MYO1B: variants seen among roughly 807,000 people sequenced by gnomAD.
MYO1B encodes the protein unconventional myosin-Ib.
A neutral mutation model predicts 159.7 loss-of-function variants in MYO1B; 72 were observed. The observed-to-expected ratio is 0.45, with a 90% CI of 0.37 to 0.55. MYO1B has a LOEUF of 0.55. MYO1B is among the 20% of genes least tolerant of loss of function. MYO1B has a pLI of 0.00. For synonymous variants in MYO1B, 468 were observed against 473.8 expected (o/e 0.99, Z 0.16); for missense variants, 1,062 against 1,364.8 (o/e 0.78, Z 3.50).
intron 2 of MYO1B, among the ~76,000 whole-genome samples, chr2:191,290,137 A>AG (rs1688610496): frequency 6.6e-6 from 1 of 152,246 alleles, no homozygotes; most frequent in Non-Finnish European, 1.5e-5. Flanking sequence ...TAAAGCAGTC[A>AG]GGGCCGGCTA....
chr2:191,324,005 G>C (rs916178144), intron 3 of MYO1B, among the ~76,000 whole-genome samples: 1 of 151,844 alleles, frequency 6.6e-6, no homozygotes, highest in Non-Finnish European at 1.5e-5. Context: ...TTGTTATATT[G>C]GGATGGCAAC....
intron 30 of MYO1B, among the ~76,000 whole-genome samples, chr2:191,419,589 C>T (rs2222185): frequency 0.81 from 123,066 of 152,134 alleles, 53,942 homozygotes; most frequent in Non-Finnish European, 0.98. Flanking sequence ...AAAACAGCCT[C>T]GGGCAGGTCC....
chr2:191,253,539 C>T (rs989315259), intron 1 of MYO1B, among the ~76,000 whole-genome samples: 4 of 151,102 alleles, frequency 2.6e-5, no homozygotes, highest in South Asian at 2.1e-4. Context: ...ACTCAGGTTG[C>T]GCTTGTTCTT....
chr2:191,270,311 C>A (rs373671259), intron 1 of MYO1B, among the ~76,000 whole-genome samples: 30 of 152,256 alleles, frequency 2.0e-4, no homozygotes, highest in African/African-American at 7.0e-4. Flanking sequence ...AGTCTTTTTG[C>A]TCATCTATAT....
chr2:191,396,652 C>T (rs1296217743), intron 21 of MYO1B, among the ~76,000 whole-genome samples, 155 bp downstream of exon 21: 2 of 152,196 alleles, frequency 1.3e-5, no homozygotes, highest in Non-Finnish European at 2.9e-5. Flanking sequence ...ATGGGCCAAA[C>T]GGGGACCCTG....
chr2:191,422,452 C>T (rs182932436), intron 30 of MYO1B, among the ~76,000 whole-genome samples: 1 of 152,132 alleles, frequency 6.6e-6, no homozygotes, highest in Non-Finnish European at 1.5e-5. Context: ...ATCTCTTATC[C>T]CAGCAGTGGT....
intron 3 of MYO1B, among the ~76,000 whole-genome samples, chr2:191,317,858 A>G (rs1233526229): frequency 1.3e-5 from 2 of 152,222 alleles, no homozygotes; most frequent in East Asian, 1.9e-4. Flanking sequence ...GTGCACTTAT[A>G]TATGTCTACT....
Position 191,386,069 on chromosome 2 carries a change from G to T in MYO1B, c.1539G>T (p.Gln513His). 4.3e-6 allele frequency: 7 copies of T among 1,614,078 alleles called. No homozygotes were observed. The highest frequency in any genetic ancestry group is 5.1e-6 in the Non-Finnish European group (6 of 1,179,980). The change falls in exon 16 of 31, where the codon CAG becomes CAT. Residue 513 changes from glutamine (Q) to histidine (H), a missense_variant. By Grantham distance (24) the Gln-to-His change is conservative. Around this residue, in one of 5 missense-constraint regions of MYO1B, gnomAD observed 3 missense variants for 17.6 expected, o/e 0.17. Coordinates refer to ENST00000392318, the MANE Select transcript of MYO1B (RefSeq NM_001130158.3). ...TGCCTCACAGCTGCTTCAGGATCCA[G>T]CATTATGCTGGAAAGGTATGGGGGA... is the stretch of plus-strand genomic sequence containing the variant. ...TSLPHSCFRI[Q>H]HYAGKVLYQV...
chr2:191,278,942 T>C (rs1687898948), intron 2 of MYO1B, among the ~76,000 whole-genome samples: 1 of 152,256 alleles, frequency 6.6e-6, no homozygotes, highest in Non-Finnish European at 1.5e-5. Context: ...CACTTTTAAA[T>C]GAATTGAAAA....
chr2:191,310,675 T>A (rs17414109), intron 3 of MYO1B, among the ~76,000 whole-genome samples: 52,380 of 152,074 alleles, frequency 0.34, 9,740 homozygotes, highest in Middle Eastern at 0.52. Flanking sequence ...ACCAATCTGC[T>A]TGAATCATTG....
chr2:191,284,637 G>A (rs1294144946), intron 2 of MYO1B, among the ~76,000 whole-genome samples: 1 of 151,964 alleles, frequency 6.6e-6, no homozygotes, highest in African/African-American at 2.4e-5. Context: ...AGACATTGAT[G>A]TTTTCTTTTT....
In MYO1B at chr2:191,369,644, G is replaced by A; in HGVS notation, c.1119+16G>A. 6.3e-7 allele frequency: 1 copy of A among 1,583,844 alleles called. No homozygotes were observed. The highest frequency in any genetic ancestry group is 8.7e-7 in the Non-Finnish European group (1 of 1,153,236). ...AAGCATTAAGGTACTGAATTTCTAT[G>A]AGCAAAATCAGTTGTAATAAATGGT... On this transcript the variant is annotated intron_variant, in intron 12 of 30. Transcript: ENST00000392318.
In MYO1B at chr2:191,396,412, C is replaced by T; in HGVS notation, c.2227-17C>T. 6.2e-7 allele frequency: 1 copy of T among 1,613,504 alleles called. No homozygotes were observed. Among genetic ancestry groups the T allele is most frequent in the Non-Finnish European group, 8.5e-7 (1 of 1,179,450 alleles). On this transcript the variant is annotated splice_polypyrimidine_tract_variant and intron_variant, in intron 20 of 30. Coordinates refer to ENST00000392318, the MANE Select transcript of MYO1B (RefSeq NM_001130158.3). ...TATTAACTACAACTGCCAATATCTT[C>T]CCCTTTTATCCTACAGCAACAAAAG...
At chr2:191,423,709 C>T (rs1436096740) in intron 30 of MYO1B, 128 bp from the exon 31 acceptor site, 22 of 907,780 alleles carry the variant, frequency 2.4e-5, no homozygotes, top group Middle Eastern at 2.9e-4. Flanking sequence ...TTCAGATTTT[C>T]GGATTAGGTT....
At chr2:191,285,564 G>T (rs1688316504) in intron 2 of MYO1B, among the ~76,000 whole-genome samples, 1 of 152,160 alleles carries the variant, frequency 6.6e-6, no homozygotes, top group South Asian at 2.1e-4. Context: ...CTCAAACTTT[G>T]AATTGAGAAA....
At chr2:191,310,530 CT>C (rs1355735688) in intron 3 of MYO1B, among the ~76,000 whole-genome samples, 3 of 152,166 alleles carry the variant, frequency 2.0e-5, no homozygotes, top group Non-Finnish European at 2.9e-5. Context: ...AAGTAGGTGG[CT>C]TTTGTAGTTT....
chr2:191,414,738 A>G (rs970564031), intron 29 of MYO1B, 69 bp downstream of exon 29: 58 of 1,527,978 alleles, frequency 3.8e-5, no homozygotes, highest in Non-Finnish European at 4.8e-5. Flanking sequence ...TCCATATCTG[A>G]TAATCCTATC....
chr2:191,354,322 TTGAA>T (rs1166321007), intron 7 of MYO1B, among the ~76,000 whole-genome samples: 5 of 150,820 alleles, frequency 3.3e-5, no homozygotes, highest in East Asian at 3.9e-4. Context: ...TATATATTTG[TTGAA>T]TGAATGAATG....
chr2:191,397,556 G>C lies in MYO1B; in HGVS notation c.2295+1059G>C, dbSNP rs539646045. ...TCCCAAGGCAGAAGAATTTTTCTTA[G>C]TACAGAACAAAATGAAAAGTCTCCC... On this transcript the variant is annotated intron_variant, in intron 21 of 30. Coordinates refer to ENST00000392318, the MANE Select transcript of MYO1B (RefSeq NM_001130158.3). Among the ~76,000 whole-genome samples, 9 of 151,730 alleles carry C rather than the reference G, an allele frequency of 5.9e-5. 1 individual carries two copies. The highest frequency in any genetic ancestry group is 2.2e-4 in the African/African-American group (9 of 41,376).
Sources: gnomAD v4.1 joint callset for allele counts (sites outside exome capture counted in the v4.1 genomes callset) on GRCh38, gnomAD v4.1.1 for gene constraint, gnomAD v4.1.1 regional missense constraint, MANE v1.5 for transcripts, NCBI Gene and HGNC (gene_info 2026-07-23, HGNC 2026-07-21) for gene names.